The following ZNF831 variants were observed in gnomAD, a reference collection of about 807,000 sequenced individuals.
The protein encoded by ZNF831 is chromosome 20 open reading frame 174.
ZNF831 carries 59 observed loss-of-function variants against 95.8 expected under a neutral mutation model. The ratio of observed to expected loss-of-function variants is 0.62; its 90% CI spans 0.50 to 0.77. ZNF831 has a LOEUF of 0.77. Among genes scored for constraint, ZNF831 ranks in the 30% least tolerant of loss-of-function variants. The pLI is 0.00. For missense variants in ZNF831, 2,205 were observed against 2,164.0 expected (o/e 1.02, Z -0.38); for synonymous variants, 961 against 925.5 (o/e 1.04, Z -0.70).
chr20:59,186,864 G>C (rs1983087515), intron 1 of ZNF831, among the ~76,000 whole-genome samples: 1 of 151,972 alleles, frequency 6.6e-6, no homozygotes, highest in Non-Finnish European at 1.5e-5. Context: ...GAGGGACAGA[G>C]AGTGGGTGCA....
At chr20:59,209,131 C>T (rs1374285586) in intron 4 of ZNF831, among the ~76,000 whole-genome samples, 1 of 152,222 alleles carries the variant, frequency 6.6e-6, no homozygotes, top group Non-Finnish European at 1.5e-5. Flanking sequence ...CTGTTTGCTT[C>T]CCCGGGACAT....
At chr20:59,154,531 A>C (rs1456466167) in intron 2 of ZNF831, among the ~76,000 whole-genome samples, 1 of 152,096 alleles carries the variant, frequency 6.6e-6, no homozygotes, top group Non-Finnish European at 1.5e-5. Flanking sequence ...TTCAGACTCC[A>C]TGAGGAGTTC....
intron 1 of ZNF831, among the ~76,000 whole-genome samples, chr20:59,143,513 C>G (rs1277621808): frequency 6.6e-6 from 1 of 152,192 alleles, no homozygotes; most frequent in African/African-American, 2.4e-5. Flanking sequence ...CTGGGCCTTG[C>G]CTTCACTCCA....
intron 2 of ZNF831, among the ~76,000 whole-genome samples, chr20:59,147,956 G>A (rs1351607682): frequency 6.6e-6 from 1 of 152,212 alleles, no homozygotes; most frequent in Non-Finnish European, 1.5e-5. Context: ...AGGCCACGTG[G>A]CAGCACACTG....
chr20:59,133,712 G>A (rs368758520), intron 1 of ZNF831, among the ~76,000 whole-genome samples: 2 of 152,186 alleles, frequency 1.3e-5, no homozygotes, highest in African/African-American at 4.8e-5. Context: ...AGACTCAAGA[G>A]CTCATCTCCC....
At chr20:59,232,334 T>A (rs977885471) in intron 4 of ZNF831, among the ~76,000 whole-genome samples, 7 of 152,158 alleles carry the variant, frequency 4.6e-5, no homozygotes, top group Non-Finnish European at 1.0e-4. Flanking sequence ...ATCAGGGTTT[T>A]AAAATATGAT....
chr20:59,161,252 A>T (rs551081974), upstream of ZNF831, among the ~76,000 whole-genome samples: 2 of 151,866 alleles, frequency 1.3e-5, no homozygotes, highest in African/African-American at 4.8e-5. Flanking sequence ...AACCCCATAC[A>T]TTACAGTCAC....
intron 1 of ZNF831, among the ~76,000 whole-genome samples, chr20:59,137,698 C>G (rs888910081): frequency 6.6e-6 from 1 of 152,224 alleles, no homozygotes; most frequent in Non-Finnish European, 1.5e-5. Context: ...AAGCTCCAGG[C>G]AGGTGGGAGT....
rs571866846 is a variant in ZNF831, at chr20:59,175,715, G to A, written c.-37+11508G>A. 2.0e-5 allele frequency among the ~76,000 whole-genome samples: 3 copies of A among 152,272 alleles called. No homozygotes were observed. In the South Asian group the frequency reaches 6.2e-4, roughly 32 times the overall value. ...ATGATGGCTGCTTCATAGCTGTCAG[G>A]GAATCCCAGCACCTCTTGCATATTG... On this transcript the variant is annotated intron_variant, in intron 1 of 5. Coordinates refer to ENST00000371030, the MANE Select transcript of ZNF831 (RefSeq NM_178457.3).
chr20:59,236,022 C>T (rs138106056), intron 4 of ZNF831, among the ~76,000 whole-genome samples: 98 of 152,336 alleles, frequency 6.4e-4, no homozygotes, highest in African/African-American at 2.1e-3. Context: ...ATGTCTCAGA[C>T]AGGAAGGATA....
intron 4 of ZNF831, 40 bp downstream of exon 4, chr20:59,207,096 G>A (rs369896513): frequency 6.2e-6 from 10 of 1,603,018 alleles, no homozygotes; most frequent in African/African-American, 2.7e-5. Context: ...CTGGGCACTC[G>A]AAGGCACCCG....
rs372993677 is a variant in ZNF831, at chr20:59,225,688, C to T, written c.4027+18632C>T. 2.8e-3 allele frequency among the ~76,000 whole-genome samples: 433 copies of T among 152,274 alleles called. 1 individual carries two copies. Among genetic ancestry groups the T allele is most frequent in the South Asian group, 1.0e-2 (48 of 4,822 alleles). On this transcript the variant is annotated intron_variant, in intron 4 of 5. Coordinates refer to ENST00000371030, the MANE Select transcript of ZNF831 (RefSeq NM_178457.3). ...TAGATGACGTGAGGTAAACTTTAGT[C>T]AACCTTTATTATGGTTAGGAGGGTG... is the stretch of plus-strand genomic sequence containing the variant.
chr20:59,239,700 A>G (rs936842469), intron 4 of ZNF831, among the ~76,000 whole-genome samples: 4 of 151,650 alleles, frequency 2.6e-5, no homozygotes, highest in African/African-American at 9.7e-5. Flanking sequence ...GCGCGCCACC[A>G]CGCCTGGCTA....
intron 2 of ZNF831, 29 bp from the exon 3 acceptor site, chr20:59,195,840 T>C (rs1259754084): frequency 1.5e-5 from 24 of 1,602,292 alleles, no homozygotes; most frequent in Non-Finnish European, 1.9e-5. Context: ...CTTTGAGTAA[T>C]GTGATGCCAA....
At chr20:59,156,158 A>C (rs1035073360) in intron 2 of ZNF831, among the ~76,000 whole-genome samples, 1 of 152,098 alleles carries the variant, frequency 6.6e-6, no homozygotes, top group African/African-American at 2.4e-5. Context: ...AGACATATTC[A>C]CCTCCCAAAG....
intron 1 of ZNF831, among the ~76,000 whole-genome samples, chr20:59,183,289 T>C (rs1221943616): frequency 6.6e-6 from 1 of 152,150 alleles, no homozygotes. Context: ...GCACCTCCCT[T>C]TGGGCAAGCC....
chr20:59,142,527 C>T (rs1040351009), intron 1 of ZNF831, among the ~76,000 whole-genome samples: 82 of 152,170 alleles, frequency 5.4e-4, no homozygotes, highest in African/African-American at 1.9e-3. Context: ...CACAAGATGA[C>T]GTTAGGGTGC....
chr20:59,164,320 A>T (rs1981084701), intron 1 of ZNF831, among the ~76,000 whole-genome samples, 113 bp downstream of exon 1: 1 of 152,244 alleles, frequency 6.6e-6, no homozygotes, highest in African/African-American at 2.4e-5. Flanking sequence ...TTAAAGGGAA[A>T]ATGCTACGTA....
chr20:59,145,381 A>T (rs951110162), intron 1 of ZNF831, among the ~76,000 whole-genome samples: 1 of 152,174 alleles, frequency 6.6e-6, no homozygotes, highest in Non-Finnish European at 1.5e-5. Flanking sequence ...GTTGGATTAA[A>T]CAAAGTAAAA....
Sources: gnomAD v4.1 joint callset for allele counts (sites outside exome capture counted in the v4.1 genomes callset) on GRCh38, gnomAD v4.1.1 for gene constraint, MANE v1.5 for transcripts, NCBI Gene and HGNC (gene_info 2026-07-23, HGNC 2026-07-21) for gene names.